The following DLG2 variants were observed in gnomAD, a reference collection of about 807,000 sequenced individuals.
DLG2 encodes discs large MAGUK scaffold protein 2.
Under a neutral mutation model 132.5 loss-of-function variants are expected in DLG2, and 45 were observed. The observed-to-expected ratio is 0.34, with a 90% CI of 0.27 to 0.44. DLG2 has a LOEUF of 0.44. Among genes scored for constraint, DLG2 ranks in the 20% least tolerant of loss-of-function variants. The pLI is 1.00. For synonymous variants in DLG2, 424 were observed against 419.6 expected (o/e 1.01, Z -0.13); for missense variants, 1,045 against 1,196.9 (o/e 0.87, Z 1.87).
At chr11:84,638,922 A>G (rs1469635783) in intron 6 of DLG2, among the ~76,000 whole-genome samples, 1 of 152,228 alleles carries the variant, frequency 6.6e-6, no homozygotes, top group African/African-American at 2.4e-5. Flanking sequence ...GCATATTTAC[A>G]TTGAAACACT....
intron 6 of DLG2, among the ~76,000 whole-genome samples, chr11:85,063,721 G>A (rs1413359125): frequency 6.6e-6 from 1 of 151,618 alleles, no homozygotes; most frequent in Admixed American, 6.6e-5. Flanking sequence ...TAAAATCTAG[G>A]CTGTAAAATG....
At chr11:84,693,057 T>C (rs1406259194) in intron 6 of DLG2, among the ~76,000 whole-genome samples, 2 of 151,744 alleles carry the variant, frequency 1.3e-5, no homozygotes, top group Non-Finnish European at 3.0e-5. Context: ...AATACCTCTG[T>C]TTTCCTGGGA....
At chr11:83,460,742 A>T (rs918165595) in intron 27 of DLG2, among the ~76,000 whole-genome samples, 1 of 152,230 alleles carries the variant, frequency 6.6e-6, no homozygotes, top group Non-Finnish European at 1.5e-5. Flanking sequence ...ATTTAAAAAC[A>T]ATCCTCAGAA....
chr11:84,222,032 AT>A (rs913190754), intron 8 of DLG2, among the ~76,000 whole-genome samples: 2 of 151,706 alleles, frequency 1.3e-5, no homozygotes, highest in African/African-American at 4.8e-5. Flanking sequence ...TTTAAGTTCT[AT>A]TTTTTTTATT....
At chr11:84,054,467 C>G (rs537276053) in intron 11 of DLG2, among the ~76,000 whole-genome samples, 3 of 152,096 alleles carry the variant, frequency 2.0e-5, no homozygotes, top group African/African-American at 7.2e-5. Context: ...AATTGATTGC[C>G]CACATGCAGA....
chr11:84,622,892 C>T (rs2099616305), intron 6 of DLG2, among the ~76,000 whole-genome samples: 1 of 152,106 alleles, frequency 6.6e-6, no homozygotes, highest in African/African-American at 2.4e-5. Flanking sequence ...CCTCAAAGCT[C>T]TTTCAAATCT....
At chr11:84,220,774 T>G (rs1253176445) in intron 8 of DLG2, among the ~76,000 whole-genome samples, 1 of 135,850 alleles carries the variant, frequency 7.4e-6, no homozygotes, top group Non-Finnish European at 1.5e-5. Context: ...TTTTTCTTTT[T>G]CTTTTCTTTT....
chr11:85,394,648 T>C (rs2087123939), intron 3 of DLG2, among the ~76,000 whole-genome samples: 1 of 152,186 alleles, frequency 6.6e-6, no homozygotes. Context: ...AGACATTTAT[T>C]GAGCAATGAA....
intron 19 of DLG2, among the ~76,000 whole-genome samples, chr11:83,554,031 A>G (rs1403884321): frequency 1.3e-5 from 2 of 151,724 alleles, no homozygotes; most frequent in African/African-American, 4.8e-5. Context: ...GTAGCTGAGT[A>G]GTAACCATGT....
intron 6 of DLG2, among the ~76,000 whole-genome samples, chr11:84,947,442 GAACA>G (rs1398557212): frequency 2.6e-5 from 4 of 152,140 alleles, no homozygotes; most frequent in African/African-American, 7.2e-5. Flanking sequence ...AACCAGAGAA[GAACA>G]AATATTATCT....
chr11:84,259,473 G>A (rs1210950712), intron 7 of DLG2, among the ~76,000 whole-genome samples: 1 of 152,000 alleles, frequency 6.6e-6, no homozygotes, highest in Non-Finnish European at 1.5e-5. Flanking sequence ...CCTGCTCTAC[G>A]GAGACATAAG....
chr11:83,754,622 T>G (rs1407960249), intron 18 of DLG2, among the ~76,000 whole-genome samples: 1 of 151,332 alleles, frequency 6.6e-6, no homozygotes, highest in Non-Finnish European at 1.5e-5. Flanking sequence ...GTGCCTGCCT[T>G]TCTGGCCTGT....
chr11:84,647,251 G>C (rs1414806437), intron 6 of DLG2, among the ~76,000 whole-genome samples: 1 of 152,126 alleles, frequency 6.6e-6, no homozygotes, highest in Non-Finnish European at 1.5e-5. Flanking sequence ...CAGTGGGAGA[G>C]AAGGTTTTGC....
chr11:84,114,349 T>C (rs2154195280), intron 9 of DLG2, among the ~76,000 whole-genome samples: 1 of 152,314 alleles, frequency 6.6e-6, no homozygotes, highest in Admixed American at 6.5e-5. Flanking sequence ...AAGGGCTCAG[T>C]AAATATTAGT....
chr11:84,216,854 T>A (rs1455396548), intron 8 of DLG2, among the ~76,000 whole-genome samples: 2 of 152,198 alleles, frequency 1.3e-5, no homozygotes, highest in South Asian at 4.1e-4. Flanking sequence ...AAATAGATTA[T>A]AATAAATAAA....
chr11:83,525,670 G>T (rs990519120), intron 21 of DLG2, among the ~76,000 whole-genome samples: 1 of 152,198 alleles, frequency 6.6e-6, no homozygotes, highest in Non-Finnish European at 1.5e-5. Flanking sequence ...GAGTGCAGCA[G>T]TATGGCTCTC....
intron 6 of DLG2, among the ~76,000 whole-genome samples, chr11:84,769,003 A>G (rs181197134): frequency 1.1e-4 from 16 of 152,258 alleles, no homozygotes; most frequent in Non-Finnish European, 5.9e-5. Context: ...ACTTTCATAA[A>G]AATAATTTAA....
chr11:84,175,408 C>T (rs1356180684), intron 8 of DLG2, among the ~76,000 whole-genome samples: 1 of 152,096 alleles, frequency 6.6e-6, no homozygotes, highest in African/African-American at 2.4e-5. Context: ...AATGGATTGA[C>T]TCTTATGCTA....
chr11:85,581,454 CAA>C (rs1170598723), intron 3 of DLG2, among the ~76,000 whole-genome samples: 5 of 137,860 alleles, frequency 3.6e-5, no homozygotes, highest in Admixed American at 7.3e-5. Flanking sequence ...TACTAAAATA[CAA>C]AAAAAAAAAA....
Sources: gnomAD v4.1 joint callset for allele counts (sites outside exome capture counted in the v4.1 genomes callset) on GRCh38, gnomAD v4.1.1 for gene constraint, MANE v1.5 for transcripts, NCBI Gene and HGNC (gene_info 2026-07-23, HGNC 2026-07-21) for gene names.